Variants in CLEC2A observed in about 807,000 individuals in gnomAD.
CLEC2A encodes the protein keratinocyte-associated C-type lectin.
A neutral mutation model predicts 18.6 loss-of-function variants in CLEC2A; 19 were observed. The ratio of observed to expected loss-of-function variants is 1.02; its 90% confidence interval spans 0.71 to 1.50. The LOEUF (loss-of-function observed/expected upper bound fraction) is 1.50, where lower values mean the gene tolerates loss of function less well. CLEC2A is among the 40% of genes most tolerant of loss of function. The pLI is 0.00. For synonymous variants in CLEC2A, 74 were observed against 64.0 expected, an observed-to-expected ratio of 1.16 and a Z score of -0.75; for missense variants, 190 against 207.9, an observed-to-expected ratio of 0.91 and a Z score of 0.53.
intron 4 of CLEC2A, among the ~76,000 whole-genome samples, chr12:9,903,014 T>G (rs767802915): frequency 9.2e-5 from 14 of 152,150 alleles, no homozygotes; most frequent in Non-Finnish European, 1.5e-4. Context: ...AGAGTGAGGC[T>G]GAGACATGTC....
chr12:9,897,574 G>T (rs79176985), downstream of CLEC2A, among the ~76,000 whole-genome samples: 1 of 148,996 alleles, frequency 6.7e-6, no homozygotes, highest in African/African-American at 2.5e-5. Context: ...AAAAAAAAAA[G>T]CCAGGGGAGA....
chr12:9,912,946 C>A (rs1317641835), downstream of CLEC2A, among the ~76,000 whole-genome samples: 2 of 152,134 alleles, frequency 1.3e-5, no homozygotes, highest in Non-Finnish European at 2.9e-5. Flanking sequence ...CCTACTTGTT[C>A]TGAAAGATCA....
intron 3 of CLEC2A, among the ~76,000 whole-genome samples, chr12:9,919,359 A>G (rs1464026787): frequency 2.0e-5 from 3 of 152,180 alleles, no homozygotes; most frequent in Non-Finnish European, 4.4e-5. Context: ...TGTGGGCCCA[A>G]GCTGGAGGTT....
At position 9,913,384 on chromosome 12, in the gene CLEC2A, G is replaced by C; in HGVS notation, c.*182C>G. ...TTGTGCCCTTATAAAAGGCTCCAGA[G>C]AACGGCCTTGTCTCTTTAACCATGG... On this transcript the variant is annotated 3_prime_UTR_variant, in exon 5 of 5. Transcript: ENST00000455827. The C allele has an allele frequency of 9.3e-7, 1 of 1,071,198 alleles. No individual in the cohort carries two copies. Among genetic ancestry groups the C allele is most frequent in the South Asian group, 1.9e-5 (1 of 53,558 alleles). The allele number at this position is 1,071,198 out of a possible 1,614,324, so 66.4% of individuals were successfully genotyped here.
chr12:9,884,531 C>T, the CLEC2A span, among the ~76,000 whole-genome samples: 1 of 149,736 alleles, frequency 6.7e-6, no homozygotes, highest in Non-Finnish European at 1.5e-5. Context: ...TAGATATATA[C>T]ATTTTATATA....
At chr12:9,899,003 T>A in intron 4 of CLEC2A, 1 of 708,734 alleles carries the variant, frequency 1.4e-6, no homozygotes, top group Non-Finnish European at 2.6e-6. Context: ...ACAAACCGGA[T>A]TATTAGAAAA....
At chr12:9,904,070 G>A (rs1314380415) in intron 4 of CLEC2A, among the ~76,000 whole-genome samples, 1 of 152,234 alleles carries the variant, frequency 6.6e-6, no homozygotes, top group African/African-American at 2.4e-5. Context: ...GATCAGGGCA[G>A]ACTGATTGGT....
At chr12:9,916,367 C>A (rs1315526282) in intron 4 of CLEC2A, among the ~76,000 whole-genome samples, 3 of 151,928 alleles carry the variant, frequency 2.0e-5, no homozygotes, top group Non-Finnish European at 4.4e-5. Flanking sequence ...ACAAGTAATA[C>A]GTGAGTTTTG....
intron 4 of CLEC2A, 117 bp from the exon 5 acceptor site, chr12:9,913,797 T>G: frequency 1.6e-6 from 1 of 627,478 alleles, no homozygotes; most frequent in Non-Finnish European, 2.7e-6. Flanking sequence ...CCAGAAAATA[T>G]ACCCACCCAT....
chr12:9,929,007 T>A lies in CLEC2A; in HGVS notation c.56-2664A>T, dbSNP rs117141498. Among the ~76,000 whole-genome samples the A allele has an allele frequency of 7.2e-5, 11 of 152,266 alleles. No individual in the cohort carries two copies. The East Asian group carries it at 2.1e-3, about 29-fold the overall frequency. ...TGTGATATTTGCAATAGATTGGAAG[T>A]CATCCCTACTGTTCTCACAGTGACA... On this transcript the variant is annotated intron_variant, in intron 1 of 4. Transcript: ENST00000455827.
downstream of CLEC2A, among the ~76,000 whole-genome samples, chr12:9,909,450 G>T (rs752271150): frequency 2.6e-5 from 4 of 152,192 alleles, no homozygotes; most frequent in Non-Finnish European, 4.4e-5. Flanking sequence ...TGCCCAGGAT[G>T]GGCATTAACT....
chr12:9,896,973 A>G (rs1418680788), downstream of CLEC2A, among the ~76,000 whole-genome samples: 1 of 149,494 alleles, frequency 6.7e-6, no homozygotes, highest in Non-Finnish European at 1.5e-5. Context: ...GATTCTTGTG[A>G]CTCAGCCTCT....
chr12:9,880,780 C>G, the CLEC2A span, among the ~76,000 whole-genome samples: 1 of 152,154 alleles, frequency 6.6e-6, no homozygotes, highest in East Asian at 1.9e-4. Flanking sequence ...AAGGCTCCAA[C>G]TGACTCAATA....
At chr12:9,893,125 A>G in the CLEC2A span, 1 of 1,535,396 alleles carries the variant, frequency 6.5e-7, no homozygotes, top group South Asian at 1.2e-5. Flanking sequence ...GATTGTACAC[A>G]GCTACAGGCA....
intron 2 of CLEC2A, among the ~76,000 whole-genome samples, chr12:9,923,231 T>C (rs1863203334): frequency 6.6e-6 from 1 of 152,066 alleles, no homozygotes; most frequent in Non-Finnish European, 1.5e-5. Context: ...TAAACAAATT[T>C]ACAAGAAAAA....
At chr12:9,895,307 A>T (rs1255985717), downstream of CLEC2A, among the ~76,000 whole-genome samples, 1 of 152,210 alleles carries the variant, frequency 6.6e-6, no homozygotes, top group African/African-American at 2.4e-5. Flanking sequence ...GAAATTATGG[A>T]GGTCAGTTCG....
intron 4 of CLEC2A, among the ~76,000 whole-genome samples, chr12:9,915,040 G>C (rs1375395887): frequency 6.6e-6 from 1 of 150,656 alleles, no homozygotes; most frequent in Non-Finnish European, 1.5e-5. Flanking sequence ...GTAGGCAAAG[G>C]ATATGAACAG....
At chr12:9,911,996 C>T (rs112242401), downstream of CLEC2A, among the ~76,000 whole-genome samples, 226 of 152,214 alleles carry the variant, frequency 1.5e-3, no homozygotes, top group African/African-American at 5.3e-3. Flanking sequence ...CAAGACTAGC[C>T]CCACAAATCC....
intron 4 of CLEC2A, 23 bp from the exon 5 acceptor site, chr12:9,913,703 A>C (rs1348411290): frequency 4.8e-6 from 7 of 1,451,938 alleles, no homozygotes; most frequent in African/African-American, 2.8e-5. Context: ...ACTCTAAATC[A>C]GTCTGGGAAC....
Sources: gnomAD v4.1 joint callset for allele counts (sites outside exome capture counted in the v4.1 genomes callset) on GRCh38, gnomAD v4.1.1 for gene constraint, MANE v1.5 for transcripts, NCBI Gene and HGNC (gene_info 2026-07-23, HGNC 2026-07-21) for gene names.